CCDC192: variants seen among roughly 807,000 people sequenced by gnomAD.
The protein encoded by CCDC192 is coiled-coil domain-containing protein 192.
intron 3 of CCDC192, among the ~76,000 whole-genome samples, chr5:127,775,486 C>T (rs914084998): frequency 2.6e-5 from 4 of 152,222 alleles, no homozygotes; most frequent in Admixed American, 6.5e-5. Flanking sequence ...CAGTGCTTTT[C>T]TGTGTGCCCC....
At chr5:127,752,908 A>C (rs569163692) in intron 2 of CCDC192, among the ~76,000 whole-genome samples, 38 of 152,238 alleles carry the variant, frequency 2.5e-4, no homozygotes, top group East Asian at 3.9e-4. Flanking sequence ...TTCTTTGACT[A>C]GGAAAGGGAA....
intron 6 of CCDC192, among the ~76,000 whole-genome samples, chr5:127,926,553 A>T (rs1382279238): frequency 1.3e-5 from 2 of 152,182 alleles, no homozygotes; most frequent in Non-Finnish European, 2.9e-5. Flanking sequence ...ACAAACTTAA[A>T]AGGTATTTAG....
In CCDC192 at chr5:127,814,326, A is replaced by T. The variant is rs534685026; in HGVS notation, c.411+16164A>T. On this transcript the variant is annotated intron_variant, in intron 5 of 6. Transcript: ENST00000514853. ...AATGTTTGCATTAAGCATTAAAAAC[A>T]AGTTATGTCCAGTTTGAGCCCATGG... Among the ~76,000 whole-genome samples, 4 of 152,336 alleles carry T rather than the reference A, an allele frequency of 2.6e-5. No individual in the cohort carries two copies. The East Asian group carries it at 7.7e-4, about 29-fold the overall frequency.
At chr5:127,752,943 A>G (rs534430065) in intron 2 of CCDC192, among the ~76,000 whole-genome samples, 1 of 152,196 alleles carries the variant, frequency 6.6e-6, no homozygotes, top group Non-Finnish European at 1.5e-5. Flanking sequence ...GCGCTTCCCA[A>G]GTGAGGCAAT....
intron 3 of CCDC192, among the ~76,000 whole-genome samples, chr5:127,757,273 G>T (rs1754653975): frequency 6.6e-6 from 1 of 152,208 alleles, no homozygotes; most frequent in African/African-American, 2.4e-5. Context: ...AGTTCTTGAA[G>T]TTGCCAAATT....
intron 5 of CCDC192, among the ~76,000 whole-genome samples, chr5:127,813,313 G>GA (rs1243786143): frequency 6.6e-6 from 1 of 152,064 alleles, no homozygotes; most frequent in African/African-American, 2.4e-5. Context: ...GAAATTGAAT[G>GA]AAAAAACTCA....
chr5:127,884,833 CT>C (rs750826691), intron 6 of CCDC192, among the ~76,000 whole-genome samples: 3 of 152,158 alleles, frequency 2.0e-5, no homozygotes, highest in Non-Finnish European at 2.9e-5. Context: ...CATTTCTCTT[CT>C]TTTTTCTCCC....
At chr5:127,921,633 T>C (rs1222066431) in intron 6 of CCDC192, among the ~76,000 whole-genome samples, 1 of 152,210 alleles carries the variant, frequency 6.6e-6, no homozygotes, top group African/African-American at 2.4e-5. Context: ...ATTAATTATA[T>C]GGATTAACAT....
At chr5:127,890,215 T>A (rs929950593) in intron 6 of CCDC192, among the ~76,000 whole-genome samples, 24 of 152,016 alleles carry the variant, frequency 1.6e-4, no homozygotes, top group Admixed American at 7.9e-4. Context: ...TCTACAAAAA[T>A]TTTTTTAAAA....
At chr5:127,747,213 G>A (rs1165653900) in intron 2 of CCDC192, among the ~76,000 whole-genome samples, 1 of 151,492 alleles carries the variant, frequency 6.6e-6, no homozygotes, top group Admixed American at 6.6e-5. Context: ...CCACTAACTC[G>A]TCATCTAGCA....
chr5:127,721,926 G>C lies in CCDC192; in HGVS notation c.114+14166G>C, dbSNP rs188145575. 2.8e-4 allele frequency among the ~76,000 whole-genome samples: 42 copies of C among 152,236 alleles called. No individual in the cohort carries two copies. The East Asian group carries it at 7.3e-3, about 27-fold the overall frequency. On this transcript the variant is annotated intron_variant, in intron 2 of 6. Coordinates refer to ENST00000514853, the MANE Select transcript of CCDC192 (RefSeq NM_001317938.2). ...TCATTATCATGCGAACTACAAGGGGGAGTAAGCCCCAATGATCCAATCACC... is the reference window on the plus strand; with the variant it reads ...TCATTATCATGCGAACTACAAGGGGCAGTAAGCCCCAATGATCCAATCACC...
At chr5:127,815,312 G>A (rs1748954546) in intron 5 of CCDC192, among the ~76,000 whole-genome samples, 1 of 152,178 alleles carries the variant, frequency 6.6e-6, no homozygotes, top group South Asian at 2.1e-4. Context: ...ATGGTGAAAC[G>A]TCAGAACAGC....
intron 6 of CCDC192, among the ~76,000 whole-genome samples, chr5:127,883,846 A>G (rs1249844842): frequency 6.6e-6 from 1 of 152,222 alleles, no homozygotes; most frequent in African/African-American, 2.4e-5. Context: ...GACAGAAACC[A>G]AAATGAAACT....
rs572687316 is a variant in CCDC192 at position 127,812,492 on chromosome 5, T to C, written c.411+14330T>C. 6.6e-5 allele frequency among the ~76,000 whole-genome samples: 10 copies of C among 152,330 alleles called. No individual in the cohort carries two copies. In the East Asian group the frequency reaches 1.9e-3, roughly 29 times the overall value. On this transcript the variant is annotated intron_variant, in intron 5 of 6. Transcript: ENST00000514853. ...TGCTGCTGCTATTGTTGCCTTGTCC[T>C]GACCCTCATTTGCTACATATGCTTT...
intron 6 of CCDC192, among the ~76,000 whole-genome samples, chr5:127,889,789 C>T (rs1752679529): frequency 6.6e-6 from 1 of 152,232 alleles, no homozygotes. Context: ...ATGCCTATCC[C>T]TTCAGCCACT....
chr5:127,867,600 G>A (rs1042696676), intron 5 of CCDC192, among the ~76,000 whole-genome samples: 4 of 152,150 alleles, frequency 2.6e-5, no homozygotes, highest in African/African-American at 9.7e-5. Context: ...AATTGGACTG[G>A]AAAACAGCTT....
chr5:127,731,485 T>C (rs763090872), intron 2 of CCDC192, among the ~76,000 whole-genome samples: 12 of 152,098 alleles, frequency 7.9e-5, no homozygotes, highest in Non-Finnish European at 1.3e-4. Flanking sequence ...AAAATACCAT[T>C]GACATTCTTC....
intron 2 of CCDC192, among the ~76,000 whole-genome samples, chr5:127,736,311 T>C (rs1327478367): frequency 7.0e-6 from 1 of 141,922 alleles, no homozygotes; most frequent in Non-Finnish European, 1.5e-5. Context: ...CTTTTTGATG[T>C]GCTGCTGGAT....
At chr5:127,816,478 G>A (rs1346286095) in intron 5 of CCDC192, among the ~76,000 whole-genome samples, 1 of 152,132 alleles carries the variant, frequency 6.6e-6, no homozygotes, top group Non-Finnish European at 1.5e-5. Flanking sequence ...TTAAGTGAAG[G>A]CCATGGCTAA....
Sources: gnomAD v4.1 joint callset for allele counts (sites outside exome capture counted in the v4.1 genomes callset) on GRCh38, gnomAD v4.1.1 for gene constraint, MANE v1.5 for transcripts, NCBI Gene and HGNC (gene_info 2026-07-23, HGNC 2026-07-21) for gene names.